Variants in TAAR5 observed in about 807,000 individuals in gnomAD.
The protein encoded by TAAR5 is trace amine-associated receptor 5.
A neutral mutation model predicts 21.1 loss-of-function variants in TAAR5; 27 were observed. The observed-to-expected ratio is 1.28, with a 90% CI of 0.94 to 1.76. The LOEUF (loss-of-function observed/expected upper bound fraction) is 1.76, where lower values mean the gene tolerates loss of function less well. Ranked by LOEUF, TAAR5 falls within the 40% of genes most tolerant of loss-of-function variation. The pLI is 0.00. For synonymous variants in TAAR5, 203 were observed against 167.5 expected (o/e 1.21, Z -1.64); for missense variants, 495 against 405.6 (o/e 1.22, Z -1.89).
At chr6:132,602,208 A>G in the TAAR5 span, among the ~76,000 whole-genome samples, 7 of 152,252 alleles carry the variant, frequency 4.6e-5, no homozygotes, top group East Asian at 5.8e-4. Context: ...AGGTGGGGGA[A>G]GATGGTTTTG....
the TAAR5 span, chr6:132,609,284 T>A: frequency 3.6e-6 from 1 of 280,848 alleles, no homozygotes; most frequent in Non-Finnish European, 6.9e-6. Context: ...CATGGTGCTT[T>A]ATCCCTTGAA....
At chr6:132,600,468 C>A in the TAAR5 span, among the ~76,000 whole-genome samples, 1 of 152,150 alleles carries the variant, frequency 6.6e-6, no homozygotes. Context: ...AGGCTCTGAA[C>A]TCCCCAATCG....
the TAAR5 span, among the ~76,000 whole-genome samples, chr6:132,613,642 A>C: frequency 6.6e-6 from 1 of 152,200 alleles, no homozygotes; most frequent in Non-Finnish European, 1.5e-5. Flanking sequence ...TTTGCAATGC[A>C]ATATATCATG....
the TAAR5 span, among the ~76,000 whole-genome samples, chr6:132,599,668 A>G: frequency 6.6e-6 from 1 of 152,138 alleles, no homozygotes; most frequent in Non-Finnish European, 1.5e-5. Flanking sequence ...AATTATTCAT[A>G]TTTAAATCAA....
At chr6:132,605,856 C>A in the TAAR5 span, among the ~76,000 whole-genome samples, 1 of 140,264 alleles carries the variant, frequency 7.1e-6, no homozygotes, top group Non-Finnish European at 1.5e-5. Context: ...GGAATCAACC[C>A]AGGTGCCCAA....
chr6:132,592,760 A>G (rs139920898), upstream of TAAR5, among the ~76,000 whole-genome samples: 778 of 152,244 alleles, frequency 5.1e-3, 7 homozygotes, highest in African/African-American at 0.018. Flanking sequence ...AGGCCTCCCC[A>G]GCCATTCTTC....
chr6:132,603,832 A>G, the TAAR5 span, among the ~76,000 whole-genome samples: 1 of 152,138 alleles, frequency 6.6e-6, no homozygotes, highest in Non-Finnish European at 1.5e-5. Flanking sequence ...TTAAATCATC[A>G]GTAAGAGAAC....
the TAAR5 span, among the ~76,000 whole-genome samples, chr6:132,615,342 T>A: frequency 6.6e-6 from 1 of 152,180 alleles, no homozygotes; most frequent in Admixed American, 6.5e-5. Flanking sequence ...AATGTTTCTG[T>A]TTACACTTTG....
chr6:132,607,493 C>A, the TAAR5 span, among the ~76,000 whole-genome samples: 1 of 152,194 alleles, frequency 6.6e-6, no homozygotes, highest in Non-Finnish European at 1.5e-5. Flanking sequence ...CTAAGGAAGA[C>A]TTTTGGAGAA....
upstream of TAAR5, among the ~76,000 whole-genome samples, chr6:132,593,561 C>A (rs1254132996): frequency 6.6e-6 from 1 of 152,142 alleles, no homozygotes; most frequent in Non-Finnish European, 1.5e-5. Context: ...TCTCCTTGGC[C>A]TAGCCTAGGA....
Position 132,588,763 on chromosome 6 carries a change from G to A in TAAR5, c.924C>T (p.Ser308=). ...TCAGTGCCTTCCGAAACCACTGGTA[G>A]GAAAAGACATAGATGATGGGGTTGC... ...SACNPIIYVF[S]YQWFRKALKL... The change falls in exon 1 of 1, where the codon TCC becomes TCT. Residue 308 remains serine, a synonymous_variant. Coordinates refer to ENST00000258034, the MANE Select transcript of TAAR5 (RefSeq NM_003967.3). 4 of 1,614,048 alleles carry A rather than the reference G, an allele frequency of 2.5e-6. No individual in the cohort carries two copies. The highest frequency in any genetic ancestry group is 3.4e-6 in the Non-Finnish European group (4 of 1,180,008).
At chr6:132,609,169 C>T in the TAAR5 span, 3 of 372,492 alleles carry the variant, frequency 8.1e-6, no homozygotes, top group East Asian at 7.2e-5. Context: ...CAGTCATAAC[C>T]GAATACATTA....
upstream of TAAR5, among the ~76,000 whole-genome samples, chr6:132,593,831 A>G (rs1366053768): frequency 6.6e-6 from 1 of 152,212 alleles, no homozygotes; most frequent in Non-Finnish European, 1.5e-5. Context: ...CAAATCTCAC[A>G]TCAGTTCTTT....
At position 132,589,717 on chromosome 6, in the gene TAAR5, ACT is replaced by A; in HGVS notation, c.-33_-32del. ...ATTTCTACTCTTCCTCTGTCTGAGA[ACT>A]GGCCACCTTCTCCACTGGAGGGCAA... On this transcript the variant is annotated 5_prime_UTR_variant, in exon 1 of 1. Transcript: ENST00000258034. 1.1e-6 allele frequency: 1 copy of A among 928,464 alleles called. No homozygotes were observed. The highest frequency in any genetic ancestry group is 1.4e-6 in the Non-Finnish European group (1 of 707,198). 57.5% of individuals were successfully genotyped at this position (928,464 alleles called of 1,614,324 possible).
At chr6:132,599,349 T>G in the TAAR5 span, among the ~76,000 whole-genome samples, 11 of 92,202 alleles carry the variant, frequency 1.2e-4, no homozygotes, top group Non-Finnish European at 1.9e-4. Context: ...TTTTTTTTTT[T>G]GACGGAGTCC....
the TAAR5 span, among the ~76,000 whole-genome samples, chr6:132,601,155 G>GGGAAGGAAGGAAGGAGGGAAGGAT: frequency 5.6e-5 from 8 of 143,476 alleles, no homozygotes; most frequent in African/African-American, 2.1e-4. Context: ...GAGGGAAGGA[G>GGGAAGGAAGGAAGGAGGGAAGGAT]GGAAGGAAAG....
At chr6:132,614,588 G>A in the TAAR5 span, among the ~76,000 whole-genome samples, 1 of 152,220 alleles carries the variant, frequency 6.6e-6, no homozygotes, top group South Asian at 2.1e-4. Context: ...TCCCTTTCCT[G>A]AAAAGTTAGT....
chr6:132,589,776 A>G (rs1418300979), upstream of TAAR5: 1 of 904,834 alleles, frequency 1.1e-6, no homozygotes, highest in East Asian at 2.9e-5. Flanking sequence ...AAAAAAAAAA[A>G]TATGTCTGCT....
At chr6:132,610,630 A>G in the TAAR5 span, among the ~76,000 whole-genome samples, 2 of 152,230 alleles carry the variant, frequency 1.3e-5, no homozygotes, top group African/African-American at 4.8e-5. Context: ...TTTGCTGGTT[A>G]GAGACACTTC....
Sources: allele counts gnomAD v4.1 joint callset (sites outside exome capture counted in the v4.1 genomes callset), GRCh38; gene constraint gnomAD v4.1.1; transcripts MANE v1.5; gene names NCBI Gene and HGNC (gene_info 2026-07-23, HGNC 2026-07-21).